ENTPD1: variants seen among roughly 807,000 people sequenced by gnomAD.
The protein encoded by ENTPD1 is ectonucleoside triphosphate diphosphohydrolase 1, also known as ATP diphosphohydrolase.
Under a neutral mutation model 57.0 loss-of-function variants are expected in ENTPD1, and 33 were observed. That is an observed-to-expected ratio of 0.58 (90% CI 0.44 to 0.77). The LOEUF is 0.77. Among genes scored for constraint, ENTPD1 ranks in the 30% least tolerant of loss-of-function variants. The probability of loss-of-function intolerance (pLI) is 0.00; values close to 1 mark genes in which losing one functional copy is unlikely to be tolerated. For synonymous variants in ENTPD1, 202 were observed against 218.8 expected, an observed-to-expected ratio of 0.92 and a Z score of 0.68; for missense variants, 501 against 603.4, an observed-to-expected ratio of 0.83 and a Z score of 1.78.
chr10:95,711,936 T>G, exon 1 of ENTPD1: 1 of 1,612,754 alleles, frequency 6.2e-7, no homozygotes, highest in South Asian at 1.1e-5. Flanking sequence ...CCAAAGCTGC[T>G]CTGTTCTTCT....
In ENTPD1 at chr10:95,856,651, CAT is replaced by C. The variant is rs66753059; in HGVS notation, c.1075-3798_1075-3797del. On this transcript the variant is annotated intron_variant, in intron 7 of 9. Coordinates refer to ENST00000371205, the MANE Select transcript of ENTPD1 (RefSeq NM_001776.6). ...AATGTGGTAAATATATATATGTATG[CAT>C]ATATATATATATATATATACACACA... Among the ~76,000 whole-genome samples, 858 of 142,078 alleles carry C rather than the reference CAT, an allele frequency of 6.0e-3. 3 individuals carry two copies. The highest frequency in any genetic ancestry group is 0.019 in the African/African-American group (744 of 38,704). The allele number at this position is 142,078 out of a possible 152,430, so 93.2% of individuals were successfully genotyped here.
chr10:95,864,762 G>A lies in ENTPD1; in HGVS notation c.1227G>A (p.Leu409=), dbSNP rs942320905. Residue 409 remains leucine, a synonymous_variant, in exon 9 of 10, where the codon CTG becomes CTA. Transcript: ENST00000371205. The part of the protein sequence containing the change: ...TSYAGVKEKY[L]SEYCFSGTYI... Reference sequence around the variant, plus strand: ...ACGCTGGAGTAAAGGAGAAGTACCTGAGTGAATACTGCTTTTCTGGTACCT... The same window carrying A: ...ACGCTGGAGTAAAGGAGAAGTACCTAAGTGAATACTGCTTTTCTGGTACCT... The A allele has an allele frequency of 1.4e-5, 22 of 1,614,038 alleles. No individual in the cohort carries two copies. Among genetic ancestry groups the A allele is most frequent in the Admixed American group, 1.7e-5 (1 of 60,002 alleles).
intron 1 of ENTPD1, 177 bp downstream of exon 1, chr10:95,756,432 A>G (rs909527644): frequency 1.2e-4 from 88 of 716,486 alleles, no homozygotes; most frequent in South Asian, 1.7e-4. Flanking sequence ...ACTTTTTAGG[A>G]AGCAGAGTCC....
intron 7 of ENTPD1, 132 bp from the exon 8 acceptor site, chr10:95,860,337 C>A: frequency 2.8e-6 from 2 of 711,120 alleles, no homozygotes; most frequent in Non-Finnish European, 4.9e-6. Context: ...CTTGGGCCTG[C>A]AATATCACTT....
Position 95,868,799 on chromosome 10 carries a change from A to ATCTT in ENTPD1, c.*2418_*2421dup. On this transcript the variant is annotated 3_prime_UTR_variant, in exon 10 of 10. Coordinates refer to ENST00000371205, the MANE Select transcript of ENTPD1 (RefSeq NM_001776.6). Reference sequence around the variant, plus strand: ...CACAAGTCTCCTTCAGAGAACACAAATCTTTTCTTATTCCATTCCTGTTTG... The same window carrying ATCTT: ...CACAAGTCTCCTTCAGAGAACACAAATCTTTCTTTTCTTATTCCATTCCTGTTTG... 3.0e-6 allele frequency: 3 copies of ATCTT among 985,242 alleles called. No homozygotes were observed. Among genetic ancestry groups the ATCTT allele is most frequent in the Non-Finnish European group, 3.6e-6 (3 of 829,912 alleles). The allele number at this position is 985,242 out of a possible 1,614,324, so 61.0% of individuals were successfully genotyped here.
intron 7 of ENTPD1, among the ~76,000 whole-genome samples, chr10:95,851,604 G>A (rs1171651412): frequency 2.7e-5 from 3 of 112,894 alleles, no homozygotes; most frequent in South Asian, 2.7e-4. Flanking sequence ...GACAGTCCCC[G>A]GTGTGTGATG....
intron 6 of ENTPD1, among the ~76,000 whole-genome samples, chr10:95,847,033 G>GA (rs1470497978): frequency 6.6e-6 from 1 of 151,832 alleles, no homozygotes; most frequent in Non-Finnish European, 1.5e-5. Context: ...GCTTGAAGAA[G>GA]AAAAAAAATT....
At chr10:95,802,495 A>C (rs540192192) in intron 1 of ENTPD1, among the ~76,000 whole-genome samples, 2 of 152,080 alleles carry the variant, frequency 1.3e-5, no homozygotes, top group South Asian at 4.2e-4. Flanking sequence ...TCTAGGGTAC[A>C]TGTGCAGAAC....
chr10:95,735,025 ATTT>A (rs376795429), intron 1 of ENTPD1, among the ~76,000 whole-genome samples: 188 of 126,750 alleles, frequency 1.5e-3, no homozygotes, highest in African/African-American at 4.2e-3. Flanking sequence ...ATGAAAATAG[ATTT>A]TTTTTTTTTT....
Position 95,791,295 on chromosome 10 carries a change from G to T in ENTPD1, c.17-31942G>T, listed in dbSNP as rs2098202727. ...TGAGAAGGACATTACAAACTGAAGGGCATCTAGTGGAGGGTAATTAGGGTG... is the reference window on the plus strand; with the variant it reads ...TGAGAAGGACATTACAAACTGAAGGTCATCTAGTGGAGGGTAATTAGGGTG... On this transcript the variant is annotated intron_variant, in intron 1 of 9. Coordinates refer to ENST00000371205, the MANE Select transcript of ENTPD1 (RefSeq NM_001776.6). This position sits in a 1 kb window ranked among gnomAD's most constrained non-coding sequence, Gnocchi z 4.1. Among the ~76,000 whole-genome samples the T allele has an allele frequency of 6.6e-6, 1 of 152,164 alleles. No individual in the cohort carries two copies. Among genetic ancestry groups the T allele is most frequent in the Admixed American group, 6.6e-5 (1 of 15,264 alleles).
chr10:95,734,268 G>A (rs1225307471), intron 1 of ENTPD1, among the ~76,000 whole-genome samples: 1 of 152,206 alleles, frequency 6.6e-6, no homozygotes, highest in African/African-American at 2.4e-5. Flanking sequence ...CTCCAGTAAT[G>A]ACAGATTGAG....
intron 1 of ENTPD1, among the ~76,000 whole-genome samples, chr10:95,783,241 A>G (rs954310823): frequency 2.6e-5 from 4 of 152,162 alleles, no homozygotes; most frequent in African/African-American, 9.7e-5. Context: ...AGTGATTTGT[A>G]TAGTGGGGTC....
At chr10:95,755,451 T>TG (rs2098019879), upstream of ENTPD1, 1 of 508,522 alleles carries the variant, frequency 2.0e-6, no homozygotes, top group Non-Finnish European at 3.5e-6. Flanking sequence ...TCATCTACAT[T>TG]GGGGTAATCT....
chr10:95,820,753 T>C (rs933268894), intron 1 of ENTPD1, among the ~76,000 whole-genome samples: 4 of 152,270 alleles, frequency 2.6e-5, no homozygotes, highest in African/African-American at 9.6e-5. Context: ...AATTTCTTCT[T>C]AGCACATATT....
the ENTPD1 span, among the ~76,000 whole-genome samples, chr10:95,701,698 A>G: frequency 2.0e-5 from 3 of 152,206 alleles, no homozygotes; most frequent in Non-Finnish European, 2.9e-5. Flanking sequence ...GGGAATCTCA[A>G]TGAAGAGAAA....
chr10:95,876,211 T>A lies in ENTPD1; in HGVS notation c.*9828T>A. On this transcript the variant is annotated 3_prime_UTR_variant, in exon 10 of 10. Coordinates refer to ENST00000371205, the MANE Select transcript of ENTPD1 (RefSeq NM_001776.6). ...TTAGGTATATTTATAAATACTCCTA[T>A]AAAAATGTAAAGAAACACATAATGT... The A allele has an allele frequency of 1.0e-6, 1 of 978,716 alleles. No homozygotes were observed. 60.6% of individuals were successfully genotyped at this position (978,716 alleles called of 1,614,324 possible). A position where few individuals can be genotyped will look rare whatever the true frequency, so the allele number is the denominator to read the frequency against.
At position 95,777,256 on chromosome 10, in the gene ENTPD1, A is replaced by G. The variant is rs188695826; in HGVS notation, c.16+21001A>G. ...TGCTTTTCTGCTCTGGTTTCTCCCC[A>G]TCTTTGTGGTTTTAATCTACCTTTG... On this transcript the variant is annotated intron_variant, in intron 1 of 9. Transcript: ENST00000371205. Among the ~76,000 whole-genome samples the G allele has an allele frequency of 9.9e-5, 15 of 152,242 alleles. No individual in the cohort carries two copies. In the East Asian group the frequency reaches 2.9e-3, roughly 29 times the overall value.
intron 8 of ENTPD1, among the ~76,000 whole-genome samples, chr10:95,862,404 T>C (rs2098466877): frequency 6.6e-6 from 1 of 152,222 alleles, no homozygotes; most frequent in Non-Finnish European, 1.5e-5. Context: ...TGGCTTGTGT[T>C]TGGGAATGTT....
intron 8 of ENTPD1, among the ~76,000 whole-genome samples, chr10:95,860,863 T>C (rs2074662744): frequency 6.6e-6 from 1 of 152,226 alleles, no homozygotes. Flanking sequence ...ATCTCAGCCA[T>C]TGCTTCTTCA....
Sources: allele counts gnomAD v4.1 joint callset (sites outside exome capture counted in the v4.1 genomes callset), GRCh38; gene constraint gnomAD v4.1.1; non-coding constraint Gnocchi (gnomAD v3.1); transcripts MANE v1.5; gene names NCBI Gene and HGNC (gene_info 2026-07-23, HGNC 2026-07-21).